RNF145: variants seen among roughly 807,000 people sequenced by gnomAD.
The protein encoded by RNF145 is ring finger protein 145.
A neutral mutation model predicts 57.3 loss-of-function variants in RNF145; 12 were observed. That is an observed-to-expected ratio of 0.21 (90% confidence interval 0.13 to 0.34). The LOEUF is 0.34. Ranked by LOEUF, RNF145 falls within the 10% of genes least tolerant of loss-of-function variation. RNF145 has a pLI of 1.00. For synonymous variants in RNF145, 262 were observed against 288.3 expected, an observed-to-expected ratio of 0.91 and a Z score of 0.92; for missense variants, 429 against 799.0, an observed-to-expected ratio of 0.54 and a Z score of 5.58.
rs1786022681 is a variant in RNF145, at chr5:159,209,336, G to C, written c.-145C>G. 1.0e-6 allele frequency: 1 copy of C among 985,460 alleles called. No homozygotes were observed. The allele number at this position is 985,460 out of a possible 1,614,324, so 61.0% of individuals were successfully genotyped here. A position where few individuals can be genotyped will look rare whatever the true frequency, so the allele number is the denominator to read the frequency against. On this transcript the variant is annotated 5_prime_UTR_variant, in exon 1 of 11. Coordinates refer to ENST00000424310, the MANE Select transcript of RNF145 (RefSeq NM_001199383.2). ...TCCCGTTCTCCTCGGGCGGCGGCGG[G>C]GGCCGGTACGGCACGGCTCACAGCG...
intron 2 of RNF145, among the ~76,000 whole-genome samples, chr5:159,199,639 C>T (rs955733664): frequency 2.0e-5 from 3 of 152,164 alleles, no homozygotes; most frequent in Non-Finnish European, 4.4e-5. Flanking sequence ...AGTTTCTCCC[C>T]TCCCCAATCC....
At chr5:159,202,531 T>C (rs1785705442) in intron 2 of RNF145, among the ~76,000 whole-genome samples, 1 of 152,062 alleles carries the variant, frequency 6.6e-6, no homozygotes, top group African/African-American at 2.4e-5. Flanking sequence ...CTTAGGGATG[T>C]AAGGGGAACG....
At chr5:159,168,459 T>G (rs1784452629) in intron 8 of RNF145, among the ~76,000 whole-genome samples, 1 of 152,164 alleles carries the variant, frequency 6.6e-6, no homozygotes. Context: ...TCTCCTTCAT[T>G]TGCATTTCAC....
At chr5:159,163,876 C>T (rs1010364010) in intron 8 of RNF145, among the ~76,000 whole-genome samples, 2 of 152,196 alleles carry the variant, frequency 1.3e-5, no homozygotes, top group Admixed American at 6.5e-5. Flanking sequence ...GAAATTCCTC[C>T]ATCATGCTCT....
chr5:159,167,529 T>C (rs1784426160), intron 8 of RNF145, among the ~76,000 whole-genome samples: 1 of 152,188 alleles, frequency 6.6e-6, no homozygotes, highest in African/African-American at 2.4e-5. Context: ...GTTTTATCAA[T>C]ATATACTAAA....
intron 3 of RNF145, among the ~76,000 whole-genome samples, chr5:159,190,372 G>C (rs986190604): frequency 4.0e-5 from 6 of 151,740 alleles, no homozygotes; most frequent in Admixed American, 3.3e-4. Context: ...TGACTATCTC[G>C]ATAAAGTTGT....
rs550299688 is a variant in RNF145 at position 159,165,048 on chromosome 5, T to C, written c.1122-1969A>G. Reference sequence around the variant, plus strand: ...CTTTTTTAATTCCCAGTACACTGAATTGAATTCATCACAATCCTTGATTGA... The same window carrying C: ...CTTTTTTAATTCCCAGTACACTGAACTGAATTCATCACAATCCTTGATTGA... On this transcript the variant is annotated intron_variant, in intron 8 of 10. Transcript: ENST00000424310. 4.6e-5 allele frequency among the ~76,000 whole-genome samples: 7 copies of C among 152,364 alleles called. No homozygotes were observed. The East Asian group carries it at 1.2e-3, about 25-fold the overall frequency.
rs550632522 is a variant in RNF145 at position 159,195,138 on chromosome 5, CTCTT to C, written c.185-318_185-315del. Among the ~76,000 whole-genome samples the C allele has an allele frequency of 2.5e-4, 38 of 151,930 alleles. 1 individual carries two copies. The South Asian group carries it at 3.5e-3, about 14-fold the overall frequency. On this transcript the variant is annotated intron_variant, in intron 2 of 10. Transcript: ENST00000424310. ...AACTTACTTGTTTTATGCCAATTCT[CTCTT>C]TCTTTCTAGTCCCAGAGGAAAAACT... is the stretch of plus-strand genomic sequence containing the variant.
At chr5:159,199,540 G>A (rs576289717) in intron 2 of RNF145, among the ~76,000 whole-genome samples, 25 of 152,126 alleles carry the variant, frequency 1.6e-4, no homozygotes, top group East Asian at 5.8e-4. Flanking sequence ...AAGGATTTTC[G>A]CATCCATTTC....
chr5:159,161,090 T>G, intron 10 of RNF145, 176 bp downstream of exon 10: 1 of 537,460 alleles, frequency 1.9e-6, no homozygotes, highest in Non-Finnish European at 3.3e-6. Flanking sequence ...AAAACTTAAT[T>G]TAGAAATAAA....
At chr5:159,209,894 C>T, upstream of RNF145, 3 of 1,536,112 alleles carry the variant, frequency 2.0e-6, no homozygotes, top group Non-Finnish European at 2.6e-6. Context: ...CTGATCCTGT[C>T]CCGGTGCATT....
chr5:159,172,159 CTCTT>C (rs1784580003), intron 6 of RNF145, among the ~76,000 whole-genome samples: 2 of 152,172 alleles, frequency 1.3e-5, no homozygotes, highest in South Asian at 2.1e-4. Flanking sequence ...AGAACTGTCT[CTCTT>C]TCTCTCTATA....
upstream of RNF145, chr5:159,209,718 C>A: frequency 9.2e-7 from 1 of 1,087,778 alleles, no homozygotes. Context: ...CAAGCCCATA[C>A]AGCCCGGCTC....
intron 2 of RNF145, among the ~76,000 whole-genome samples, chr5:159,195,948 A>G (rs984812445): frequency 2.0e-5 from 3 of 152,054 alleles, no homozygotes; most frequent in Admixed American, 6.6e-5. Context: ...AAAGTAACTC[A>G]GTGACTCAAA....
Position 159,161,581 on chromosome 5 carries a change from C to T in RNF145, c.1311G>A (p.Glu437=), listed in dbSNP as rs766786617. ...TTTCCACTGGCTCTTTTCTGAATTC[C>T]TCAACCATAAATAAGACATAAATAA... The part of the protein sequence containing the change: ...TLFIYVLFMV[E]EFRKEPVENM... Residue 437 remains glutamate, a synonymous_variant, in exon 10 of 11, where the codon GAG becomes GAA. Transcript: ENST00000424310. The T allele has an allele frequency of 6.2e-6, 10 of 1,611,198 alleles. No individual in the cohort carries two copies. In the South Asian group the frequency reaches 6.6e-5, roughly 11 times the overall value.
At position 159,159,053 on chromosome 5, in the gene RNF145, A is replaced by G. The variant is rs746550403; in HGVS notation, c.1627-18T>C. The G allele has an allele frequency of 9.4e-6, 15 of 1,595,842 alleles. No individual in the cohort carries two copies. In the South Asian group the frequency reaches 1.6e-4, roughly 17 times the overall value. ...TTCATGTCCTAAAAGAGGGGGAAAA[A>G]AGATACCTTATAAATGTCTGTTTTC... On this transcript the variant is annotated intron_variant, in intron 10 of 10. Coordinates refer to ENST00000424310, the MANE Select transcript of RNF145 (RefSeq NM_001199383.2).
In RNF145 at chr5:159,178,380, A is replaced by G. The variant is rs141080604; in HGVS notation, c.386-1513T>C. ...AAATCTTTTACATATTTAGGTCTAT[A>G]TAAGAACTTGTTACTTTTTGTTTTC... On this transcript the variant is annotated intron_variant, in intron 4 of 10. Transcript: ENST00000424310. Among the ~76,000 whole-genome samples the G allele has an allele frequency of 6.3e-3, 951 of 152,082 alleles. 13 individuals are homozygous for G. Among genetic ancestry groups the G allele is most frequent in the Non-Finnish European group, 6.4e-3 (434 of 67,884 alleles).
At chr5:159,207,471 TCA>T in intron 1 of RNF145, 1 of 1,510,958 alleles carries the variant, frequency 6.6e-7, no homozygotes, top group Non-Finnish European at 8.9e-7. Context: ...AAATCATCAT[TCA>T]CCATTATCTC....
intron 6 of RNF145, 83 bp from the exon 7 acceptor site, chr5:159,169,902 G>C: frequency 8.9e-7 from 1 of 1,127,498 alleles, no homozygotes; most frequent in South Asian, 1.8e-5. Flanking sequence ...TAATCACCAA[G>C]CTTGATTTGA....
Sources: allele counts gnomAD v4.1 joint callset (sites outside exome capture counted in the v4.1 genomes callset), GRCh38; gene constraint gnomAD v4.1.1; transcripts MANE v1.5; gene names NCBI Gene and HGNC (gene_info 2026-07-23, HGNC 2026-07-21).